SLC6A4: variants seen among roughly 807,000 people sequenced by gnomAD.
SLC6A4 encodes the protein sodium-dependent serotonin transporter.
Under a neutral mutation model 73.4 loss-of-function variants are expected in SLC6A4, and 22 were observed. The observed-to-expected ratio is 0.30, with a 90% confidence interval of 0.21 to 0.43. The LOEUF is 0.43. Among genes scored for constraint, SLC6A4 ranks in the 20% least tolerant of loss-of-function variants. The pLI is 1.00. For synonymous variants in SLC6A4, 270 were observed against 315.5 expected (o/e 0.86, Z 1.53); for missense variants, 593 against 808.5 (o/e 0.73, Z 3.23).
In SLC6A4 at chr17:30,210,724, G is replaced by A; in HGVS notation, c.1318-78C>T. ...CCTTCAGGACAGTGAACAGGAGGGA[G>A]GGGTAAGGTTGCTAAGTGACTGGTC... On this transcript the variant is annotated intron_variant, in intron 10 of 14. Transcript: ENST00000650711. The A allele has an allele frequency of 1.4e-5, 21 of 1,490,524 alleles. No individual in the cohort carries two copies. In the South Asian group the frequency reaches 2.8e-4, roughly 20 times the overall value. 92.3% of individuals were successfully genotyped at this position (1,490,524 alleles called of 1,614,324 possible). A position where few individuals can be genotyped will look rare whatever the true frequency, so the allele number is the denominator to read the frequency against.
intron 1 of SLC6A4, among the ~76,000 whole-genome samples, chr17:30,230,957 ACAT>A (rs1907093043): frequency 6.6e-6 from 1 of 152,308 alleles, no homozygotes; most frequent in East Asian, 1.9e-4. Context: ...TCATCCTTAC[ACAT>A]CATTGCACCA....
intron 1 of SLC6A4, among the ~76,000 whole-genome samples, chr17:30,227,475 T>TTGTG (rs377239184): frequency 1.6e-4 from 24 of 150,674 alleles, no homozygotes; most frequent in Admixed American, 1.6e-3. Flanking sequence ...GTGTGTGTGT[T>TTGTG]TGTGTGTGTG....
At position 30,198,372 on chromosome 17, in the gene SLC6A4, C is replaced by G; in HGVS notation, c.*84G>C. On this transcript the variant is annotated 3_prime_UTR_variant, in exon 15 of 15. Coordinates refer to ENST00000650711, the MANE Select transcript of SLC6A4 (RefSeq NM_001045.6). The stretch of plus-strand genomic sequence containing the variant: ...CATCAGGCTTAGCTGGAAACTCATT[C>G]ACTTGGAGGGGAGAAGGCAGGCGTG... The G allele has an allele frequency of 1.3e-6, 1 of 766,330 alleles. No homozygotes were observed. The highest frequency in any genetic ancestry group is 1.6e-5 in the South Asian group (1 of 62,492). The allele number at this position is 766,330 out of a possible 1,614,324, so 47.5% of individuals were successfully genotyped here.
chr17:30,206,719 T>TTTTTC (rs1906215010), intron 13 of SLC6A4, among the ~76,000 whole-genome samples: 1 of 136,978 alleles, frequency 7.3e-6, no homozygotes, highest in Non-Finnish European at 1.6e-5. Flanking sequence ...TTTCTTTTTT[T>TTTTTC]TTTTTTTTTT....
intron 2 of SLC6A4, 143 bp downstream of exon 2, chr17:30,222,674 CTG>C: frequency 1.6e-6 from 1 of 620,936 alleles, no homozygotes; most frequent in Admixed American, 2.4e-5. Flanking sequence ...GCTACAGATT[CTG>C]TCACTCGTCT....
rs1388779775 is a variant in SLC6A4, at chr17:30,197,364, A to G, written c.*1092T>C. 1.3e-5 allele frequency: 2 copies of G among 152,398 alleles called. No homozygotes were observed. Among genetic ancestry groups the G allele is most frequent in the Admixed American group, 1.3e-4 (2 of 15,286 alleles). 9.4% of individuals were successfully genotyped at this position (152,398 alleles called of 1,614,324 possible). On this transcript the variant is annotated 3_prime_UTR_variant, in exon 15 of 15. Transcript: ENST00000650711. Reference sequence around the variant, plus strand: ...GAGTGAAGATGCCTTGGTTTAGGTTAGGGTGCCAGATCTGTATAACCCAGT... The same window carrying G: ...GAGTGAAGATGCCTTGGTTTAGGTTGGGGTGCCAGATCTGTATAACCCAGT...
chr17:30,206,676 A>G (rs935314190), intron 13 of SLC6A4, among the ~76,000 whole-genome samples: 2 of 137,844 alleles, frequency 1.5e-5, no homozygotes, highest in Non-Finnish European at 3.1e-5. Context: ...TTCACTTTAC[A>G]TTGCTAAGCC....
At chr17:30,218,449 G>T in intron 4 of SLC6A4, 112 bp from the exon 5 acceptor site, 1 of 806,628 alleles carries the variant, frequency 1.2e-6, no homozygotes, top group African/African-American at 1.7e-5. Context: ...GGGTACACGT[G>T]GGTGCTGCCC....
chr17:30,210,504 A>G lies in SLC6A4; in HGVS notation c.1449+11T>C, dbSNP rs1567817508. 2.5e-6 allele frequency: 4 copies of G among 1,612,246 alleles called. No homozygotes were observed. Among genetic ancestry groups the G allele is most frequent in the East Asian group, 2.2e-5 (1 of 44,840 alleles). On this transcript the variant is annotated intron_variant, in intron 11 of 14. Coordinates refer to ENST00000650711, the MANE Select transcript of SLC6A4 (RefSeq NM_001045.6). The stretch of plus-strand genomic sequence containing the variant: ...GGAGGCCAACTCAAAGCTGAGGGGC[A>G]TGATACTCACAAAAGTCAGGGTGAC...
intron 1 of SLC6A4, among the ~76,000 whole-genome samples, chr17:30,232,331 C>T (rs553256009): frequency 6.6e-6 from 1 of 152,158 alleles, no homozygotes; most frequent in Non-Finnish European, 1.5e-5. Context: ...CATCATAACC[C>T]CTCCTGTCAC....
intron 14 of SLC6A4, among the ~76,000 whole-genome samples, chr17:30,201,583 T>C (rs932890188): frequency 1.3e-5 from 2 of 152,164 alleles, no homozygotes; most frequent in African/African-American, 2.4e-5. Context: ...ACAGAGCTCA[T>C]GGATCATCAC....
chr17:30,201,684 G>C (rs985892725), intron 14 of SLC6A4, among the ~76,000 whole-genome samples: 2 of 152,218 alleles, frequency 1.3e-5, no homozygotes, highest in African/African-American at 4.8e-5. Flanking sequence ...AGGCTCTTTA[G>C]GGGGAGTGCG....
At chr17:30,201,038 G>C (rs4636964) in intron 14 of SLC6A4, among the ~76,000 whole-genome samples, 148,219 of 152,232 alleles carry the variant, frequency 0.97, 72,185 homozygotes, top group East Asian at 1. Context: ...CCACCTCGGC[G>C]TGCCAAAGTG....
At chr17:30,213,039 C>A (rs1371684527) in intron 8 of SLC6A4, among the ~76,000 whole-genome samples, 172 bp from the exon 9 acceptor site, 1 of 152,322 alleles carries the variant, frequency 6.6e-6, no homozygotes, top group South Asian at 2.1e-4. Context: ...TCTCCCAGAA[C>A]CCAGCTGCCG....
intron 4 of SLC6A4, 119 bp from the exon 5 acceptor site, chr17:30,218,456 G>T: frequency 1.3e-6 from 1 of 761,998 alleles, no homozygotes. Flanking sequence ...CGTGGGTGCT[G>T]CCCTCCATTC....
At chr17:30,217,386 G>A in intron 5 of SLC6A4, 82 bp from the exon 6 acceptor site, 3 of 1,405,212 alleles carry the variant, frequency 2.1e-6, no homozygotes, top group Non-Finnish European at 2.9e-6. Context: ...CTTTGAGGGT[G>A]CCCGGGACAA....
chr17:30,231,780 C>G (rs1165795956), intron 1 of SLC6A4, among the ~76,000 whole-genome samples: 1 of 152,228 alleles, frequency 6.6e-6, no homozygotes, highest in African/African-American at 2.4e-5. Context: ...AGCTTACCTC[C>G]CCTCTCCCCT....
chr17:30,217,926 C>CA (rs773905481), intron 5 of SLC6A4, among the ~76,000 whole-genome samples, 192 bp downstream of exon 5: 22 of 152,292 alleles, frequency 1.4e-4, no homozygotes, highest in South Asian at 4.1e-4. Context: ...TGCAAGGAGG[C>CA]ACAGCAGGGC....
chr17:30,228,757 C>T (rs1907000675), intron 1 of SLC6A4, among the ~76,000 whole-genome samples: 1 of 152,228 alleles, frequency 6.6e-6, no homozygotes, highest in Non-Finnish European at 1.5e-5. Flanking sequence ...CTCAGCACTC[C>T]AGCCCAAGAT....
Sources: gnomAD v4.1 joint callset for allele counts (sites outside exome capture counted in the v4.1 genomes callset) on GRCh38, gnomAD v4.1.1 for gene constraint, MANE v1.5 for transcripts, NCBI Gene and HGNC (gene_info 2026-07-23, HGNC 2026-07-21) for gene names.